Variants in PRELID2 observed in about 807,000 individuals in gnomAD.
The protein encoded by PRELID2 is PRELI domain-containing protein 2.
A neutral mutation model predicts 28.4 loss-of-function variants in PRELID2; 25 were observed. That is an observed-to-expected ratio of 0.88 (90% confidence interval 0.64 to 1.23). PRELID2 has a LOEUF of 1.23. PRELID2 is among the 50% of genes most tolerant of loss of function. The pLI, the probability that PRELID2 is intolerant of heterozygous loss-of-function variation, is 0.00. For missense variants in PRELID2, 201 were observed against 214.4 expected, an observed-to-expected ratio of 0.94 and a Z score of 0.39; for synonymous variants, 76 against 71.6, an observed-to-expected ratio of 1.06 and a Z score of -0.31.
At chr5:145,478,630 C>T (rs1752129157) in intron 1 of PRELID2, among the ~76,000 whole-genome samples, 1 of 152,138 alleles carries the variant, frequency 6.6e-6, no homozygotes, top group Non-Finnish European at 1.5e-5. Flanking sequence ...ATGATAGTTT[C>T]TGGGACATTT....
chr5:145,824,151 C>T lies in PRELID2; in HGVS notation c.76-1017G>A, dbSNP rs182050983. Among the ~76,000 whole-genome samples, 3 of 152,174 alleles carry T rather than the reference C, an allele frequency of 2.0e-5. No individual in the cohort carries two copies. In the East Asian group the frequency reaches 5.8e-4, roughly 29 times the overall value. ...AGCAGAAGTGACCTCCTAGAAGCCA[C>T]AGGACAAGGTAGCTGCTGACCAAAG... is the stretch of plus-strand genomic sequence containing the variant. On this transcript the variant is annotated intron_variant, in intron 1 of 6. Transcript: ENST00000683046.
chr5:145,654,546 C>T (rs1754357125), intron 1 of PRELID2, among the ~76,000 whole-genome samples: 1 of 152,172 alleles, frequency 6.6e-6, no homozygotes, highest in Non-Finnish European at 1.5e-5. Context: ...AAAGCTTATC[C>T]ACCATGATCA....
chr5:145,794,551 T>C (rs1322722833), intron 5 of PRELID2, among the ~76,000 whole-genome samples: 1 of 152,150 alleles, frequency 6.6e-6, no homozygotes, highest in African/African-American at 2.4e-5. Context: ...GCTAGTTCTG[T>C]GACCTTGAAG....
chr5:145,571,989 A>AG (rs1753018869), intron 1 of PRELID2, among the ~76,000 whole-genome samples: 1 of 148,524 alleles, frequency 6.7e-6, no homozygotes, highest in African/African-American at 2.6e-5. Flanking sequence ...CTCAAAAAAA[A>AG]AAAAGAAAGA....
chr5:145,291,430 G>A, the PRELID2 span, among the ~76,000 whole-genome samples: 2 of 151,024 alleles, frequency 1.3e-5, no homozygotes, highest in Admixed American at 1.3e-4. Flanking sequence ...TTGGAGTGAT[G>A]TATCTATGAA....
intron 1 of PRELID2, among the ~76,000 whole-genome samples, chr5:145,661,421 C>T (rs1754490523): frequency 6.6e-6 from 1 of 152,090 alleles, no homozygotes; most frequent in South Asian, 2.1e-4. Context: ...ACTTTACCCA[C>T]ATGAAGCCTC....
chr5:145,375,620 C>T, the PRELID2 span, among the ~76,000 whole-genome samples: 7 of 152,152 alleles, frequency 4.6e-5, no homozygotes, highest in Admixed American at 4.6e-4. Flanking sequence ...CAGCCCTCTC[C>T]CTAGGGGCTC....
At chr5:145,557,099 G>A (rs762350342) in intron 1 of PRELID2, among the ~76,000 whole-genome samples, 3 of 152,096 alleles carry the variant, frequency 2.0e-5, no homozygotes, top group Non-Finnish European at 2.9e-5. Flanking sequence ...TCACCAGTAT[G>A]TCCCCAACAC....
At chr5:145,421,230 G>A in the PRELID2 span, among the ~76,000 whole-genome samples, 1 of 148,342 alleles carries the variant, frequency 6.7e-6, no homozygotes, top group Admixed American at 6.7e-5. Context: ...TTTGGTATCA[G>A]AATGATGCTG....
intron 1 of PRELID2, among the ~76,000 whole-genome samples, chr5:145,688,264 C>T (rs1755076056): frequency 6.6e-6 from 1 of 152,168 alleles, no homozygotes; most frequent in African/African-American, 2.4e-5. Flanking sequence ...TCCAGTCTGA[C>T]TTTGGCAATT....
intron 1 of PRELID2, among the ~76,000 whole-genome samples, chr5:145,552,562 G>A (rs891818878): frequency 2.6e-5 from 4 of 151,842 alleles, no homozygotes; most frequent in Non-Finnish European, 5.9e-5. Context: ...CAAGCCTCGG[G>A]GATACAAGAG....
chr5:145,289,877 C>T, the PRELID2 span, among the ~76,000 whole-genome samples: 1 of 152,130 alleles, frequency 6.6e-6, no homozygotes, highest in Admixed American at 6.5e-5. Flanking sequence ...TTTTCATAAG[C>T]TTATTTGGCA....
intron 1 of PRELID2, among the ~76,000 whole-genome samples, chr5:145,728,030 T>C (rs1756224051): frequency 1.3e-5 from 2 of 152,230 alleles, no homozygotes; most frequent in Admixed American, 1.3e-4. Flanking sequence ...TTGACTGGAC[T>C]TTGAGCCATA....
intron 1 of PRELID2, chr5:145,728,515 T>A: frequency 1.4e-6 from 1 of 717,902 alleles, no homozygotes; most frequent in Admixed American, 1.9e-5. Flanking sequence ...CAGAGTTTGG[T>A]CCTTGCAAAT....
chr5:145,393,192 T>A, the PRELID2 span, among the ~76,000 whole-genome samples: 2 of 152,090 alleles, frequency 1.3e-5, no homozygotes, highest in Non-Finnish European at 2.9e-5. Context: ...ATCCATTAAG[T>A]GAGAATAAGA....
chr5:145,641,303 A>C (rs975839455), intron 1 of PRELID2, among the ~76,000 whole-genome samples: 2 of 152,212 alleles, frequency 1.3e-5, no homozygotes, highest in African/African-American at 2.4e-5. Context: ...CAGAAAAAAA[A>C]AGAGAGAAAT....
chr5:145,327,525 C>A, the PRELID2 span, among the ~76,000 whole-genome samples: 1 of 152,040 alleles, frequency 6.6e-6, no homozygotes, highest in Non-Finnish European at 1.5e-5. Flanking sequence ...CAAGAAGTAT[C>A]TTGTAGGAAG....
chr5:145,532,696 A>G (rs1181207306), intron 1 of PRELID2, among the ~76,000 whole-genome samples: 1 of 152,042 alleles, frequency 6.6e-6, no homozygotes, highest in Non-Finnish European at 1.5e-5. Context: ...GATTCCACAT[A>G]CAAGTGAGAT....
chr5:145,686,806 C>A (rs999175896), intron 1 of PRELID2, among the ~76,000 whole-genome samples: 1 of 151,974 alleles, frequency 6.6e-6, no homozygotes. Flanking sequence ...AGATTAGCTG[C>A]AGTAATTGTT....
Sources: allele counts gnomAD v4.1 joint callset (sites outside exome capture counted in the v4.1 genomes callset), GRCh38; gene constraint gnomAD v4.1.1; transcripts MANE v1.5; gene names NCBI Gene and HGNC (gene_info 2026-07-23, HGNC 2026-07-21).